Variants in AFF2 observed in about 807,000 individuals in gnomAD.
AFF2 encodes the protein AF4/FMR2 family member 2.
AFF2 carries 14 observed loss-of-function variants against 76.9 expected under a neutral mutation model. The ratio of observed to expected loss-of-function variants is 0.18; its 90% CI spans 0.12 to 0.28. AFF2 has a LOEUF of 0.28. Among genes scored for constraint, AFF2 ranks in the 10% least tolerant of loss-of-function variants. AFF2 has a pLI of 1.00. For missense variants in AFF2, 868 were observed against 1,001.1 expected (o/e 0.87, Z 1.79); for synonymous variants, 398 against 366.7 (o/e 1.09, Z -0.98).
chrX:148,959,633 G>T (rs1312669090), intron 12 of AFF2, among the ~76,000 whole-genome samples: 1 of 112,380 alleles, frequency 8.9e-6, no homozygotes, highest in African/African-American at 3.2e-5. Context: ...AGGATCAGTA[G>T]TTATTGGTGA....
At chrX:148,988,193 T>A (rs2086681262) in intron 20 of AFF2, among the ~76,000 whole-genome samples, 1 of 111,998 alleles carries the variant, frequency 8.9e-6, no homozygotes, top group Non-Finnish European at 1.9e-5. Context: ...TCATTGAGGA[T>A]CACAACAAAG....
chrX:148,927,304 C>A (rs915034130), intron 9 of AFF2, among the ~76,000 whole-genome samples: 4 of 111,803 alleles, frequency 3.6e-5, no homozygotes, highest in Admixed American at 9.5e-5. Context: ...AGCAGTCAGA[C>A]TAAATAAGCT....
intron 9 of AFF2, among the ~76,000 whole-genome samples, chrX:148,935,966 A>G (rs1025960853): frequency 1.6e-4 from 18 of 109,732 alleles, no homozygotes; most frequent in African/African-American, 6.0e-4. Context: ...AGCACCTCGC[A>G]TTCACTTTAA....
intron 8 of AFF2, among the ~76,000 whole-genome samples, chrX:148,890,608 G>C (rs12380899): frequency 8.9e-6 from 1 of 112,234 alleles, no homozygotes; most frequent in Non-Finnish European, 1.9e-5. Context: ...TTTTAAACTA[G>C]AGATCCCAGA....
rs1557257822 is a variant in AFF2, at chrX:148,662,086, A to G, written c.359A>G (p.Asn120Ser). Residue 120 changes from asparagine to serine, a missense_variant, in exon 3 of 21, where the codon AAC becomes AGC. Transcript: ENST00000370460. ...CCAAGCTTTTTTCCAGAACAAAAGA[A>G]CAGAATAATTCCACCTCACCAGGAT... ...NEPSFFPEQK[N>S]RIIPPHQDNT... is the part of the protein sequence containing the mutation. 4 of 1,209,803 alleles carry G rather than the reference A, an allele frequency of 3.3e-6. No individual in the cohort carries two copies. Among genetic ancestry groups the G allele is most frequent in the Non-Finnish European group, 4.5e-6 (4 of 893,510 alleles).
At chrX:148,701,012 A>AGAATGTGTGTG (rs782232655) in intron 3 of AFF2, among the ~76,000 whole-genome samples, 36 of 73,732 alleles carry the variant, frequency 4.9e-4, no homozygotes, top group African/African-American at 1.7e-3. Context: ...GAGAGAGAGA[A>AGAATGTGTGTG]TGTGTGTGTG....
At chrX:148,528,341 G>A (rs1442419741) in intron 1 of AFF2, among the ~76,000 whole-genome samples, 5 of 111,902 alleles carry the variant, frequency 4.5e-5, no homozygotes, top group African/African-American at 1.6e-4. Context: ...CTCGAGGTGA[G>A]CTTCTCATTT....
At chrX:148,914,290 G>C (rs992799921) in intron 9 of AFF2, among the ~76,000 whole-genome samples, 7 of 111,384 alleles carry the variant, frequency 6.3e-5, no homozygotes, top group African/African-American at 2.3e-4. Flanking sequence ...CAGCTGGGGC[G>C]GGGGGTGGCA....
intron 9 of AFF2, among the ~76,000 whole-genome samples, chrX:148,934,680 C>T (rs1330488276): frequency 8.9e-6 from 1 of 111,788 alleles, no homozygotes; most frequent in East Asian, 2.8e-4. Context: ...CAGTTGCTCA[C>T]CTGTAAAGTG....
At chrX:148,829,217 C>T (rs782425763) in intron 4 of AFF2, among the ~76,000 whole-genome samples, 1 of 112,344 alleles carries the variant, frequency 8.9e-6, no homozygotes, top group African/African-American at 3.2e-5. Flanking sequence ...CATTGTTATG[C>T]CATGGCCAAG....
At chrX:148,744,604 C>T (rs1167737487) in intron 3 of AFF2, among the ~76,000 whole-genome samples, 1 of 111,069 alleles carries the variant, frequency 9.0e-6, no homozygotes, top group Non-Finnish European at 1.9e-5. Context: ...TTTAAGCTCC[C>T]AATGCCTTTC....
chrX:148,894,652 C>T (rs781890717), intron 8 of AFF2, among the ~76,000 whole-genome samples: 8 of 111,001 alleles, frequency 7.2e-5, no homozygotes, highest in East Asian at 2.8e-4. Flanking sequence ...TAATGGAGGT[C>T]GACTAAAGCT....
intron 1 of AFF2, among the ~76,000 whole-genome samples, chrX:148,518,807 G>A (rs948209148): frequency 8.1e-5 from 9 of 111,687 alleles, no homozygotes; most frequent in African/African-American, 2.9e-4. Context: ...TGAAATTGTT[G>A]GAAAATGATG....
chrX:148,596,754 A>G (rs1173297383), intron 1 of AFF2, among the ~76,000 whole-genome samples: 2 of 112,487 alleles, frequency 1.8e-5, no homozygotes, highest in Non-Finnish European at 3.8e-5. Flanking sequence ...TGCATAATTG[A>G]TGTGACTAAA....
At chrX:148,572,356 G>A (rs782065195) in intron 1 of AFF2, among the ~76,000 whole-genome samples, 3 of 111,721 alleles carry the variant, frequency 2.7e-5, no homozygotes, top group South Asian at 7.4e-4. Context: ...TGGGAATTCC[G>A]CAAAAAGCTA....
chrX:148,509,725 T>A (rs938479090), intron 1 of AFF2, among the ~76,000 whole-genome samples: 4 of 112,373 alleles, frequency 3.6e-5, no homozygotes, highest in African/African-American at 1.3e-4. Context: ...TATAATTAAC[T>A]GTTTTGTTTG....
chrX:148,907,284 G>A (rs1366010805), intron 9 of AFF2, among the ~76,000 whole-genome samples: 3 of 112,240 alleles, frequency 2.7e-5, no homozygotes, highest in Non-Finnish European at 5.6e-5. Context: ...AGGAAAATAG[G>A]TTTCTTCCAG....
At chrX:148,970,417 T>C (rs1341985111) in intron 15 of AFF2, among the ~76,000 whole-genome samples, 5 of 112,308 alleles carry the variant, frequency 4.5e-5, no homozygotes, top group African/African-American at 1.6e-4. Flanking sequence ...AATATTTTGA[T>C]AAAAGGTATA....
intron 1 of AFF2, among the ~76,000 whole-genome samples, chrX:148,518,017 C>T (rs1305400365): frequency 3.0e-5 from 3 of 99,419 alleles, no homozygotes; most frequent in East Asian, 6.2e-4. Flanking sequence ...TGCATGACTC[C>T]GTCTCAAAAA....
Sources: allele counts gnomAD v4.1 joint callset (sites outside exome capture counted in the v4.1 genomes callset), GRCh38; gene constraint gnomAD v4.1.1; transcripts MANE v1.5; gene names NCBI Gene and HGNC (gene_info 2026-07-23, HGNC 2026-07-21).